The following RAP1A variants were observed in gnomAD, a reference collection of about 807,000 sequenced individuals.
RAP1A encodes the protein RAP1A, member of RAS oncogene family.
RAP1A carries 6 observed loss-of-function variants against 26.4 expected under a neutral mutation model. The observed-to-expected ratio is 0.23, with a 90% CI of 0.12 to 0.45. The LOEUF (loss-of-function observed/expected upper bound fraction) is 0.45. RAP1A is among the 20% of genes least tolerant of loss of function. RAP1A has a pLI of 0.99. For missense variants in RAP1A, 121 were observed against 217.2 expected (o/e 0.56, Z 2.78); for synonymous variants, 73 against 79.4 (o/e 0.92, Z 0.43).
At chr1:111,642,493 T>G (rs1175182299) in intron 1 of RAP1A, among the ~76,000 whole-genome samples, 1 of 105,924 alleles carries the variant, frequency 9.4e-6, no homozygotes, top group Non-Finnish European at 2.2e-5. Context: ...AGGTGTTAAC[T>G]TTTTTTTTTT....
intron 2 of RAP1A, among the ~76,000 whole-genome samples, chr1:111,693,938 G>T (rs1472977445): frequency 6.6e-6 from 1 of 150,722 alleles, no homozygotes. Flanking sequence ...TCTTGCCCTG[G>T]AGTGCAGTGG....
intron 1 of RAP1A, among the ~76,000 whole-genome samples, chr1:111,571,643 A>T (rs1011414733): frequency 1.3e-5 from 2 of 152,212 alleles, no homozygotes; most frequent in Non-Finnish European, 2.9e-5. Context: ...TTAATTAAAC[A>T]TGTATCAGTT....
chr1:111,621,933 G>C lies in RAP1A; in HGVS notation c.-28+1999G>C, dbSNP rs115017365. Among the ~76,000 whole-genome samples, 1,132 of 152,120 alleles carry C rather than the reference G, an allele frequency of 7.4e-3. 11 individuals carry two copies. The highest frequency in any genetic ancestry group is 0.026 in the African/African-American group (1,078 of 41,444). On this transcript the variant is annotated intron_variant, in intron 1 of 7. Transcript: ENST00000369709. ...TACACTTAATATACCCCAGAAGACAGGTATATTCATATACGTTGTTCCTGT... is the reference window on the plus strand; with the variant it reads ...TACACTTAATATACCCCAGAAGACACGTATATTCATATACGTTGTTCCTGT...
At chr1:111,635,609 G>A (rs1480119193) in intron 1 of RAP1A, among the ~76,000 whole-genome samples, 1 of 152,094 alleles carries the variant, frequency 6.6e-6, no homozygotes, top group African/African-American at 2.4e-5. Flanking sequence ...CTGTCGCCCA[G>A]GGTGGAGTTC....
chr1:111,614,638 G>A (rs994494439), intron 1 of RAP1A, among the ~76,000 whole-genome samples: 8 of 152,112 alleles, frequency 5.3e-5, no homozygotes, highest in African/African-American at 9.7e-5. Context: ...CTCTTCAAAC[G>A]TCTGAACTTC....
intron 1 of RAP1A, among the ~76,000 whole-genome samples, chr1:111,621,147 T>C (rs1184046105): frequency 6.6e-6 from 1 of 152,198 alleles, no homozygotes; most frequent in African/African-American, 2.4e-5. Flanking sequence ...ACAGTAAGAA[T>C]AAAGTATCAG....
At chr1:111,656,247 A>G (rs969241138) in intron 1 of RAP1A, among the ~76,000 whole-genome samples, 9 of 152,084 alleles carry the variant, frequency 5.9e-5, no homozygotes, top group Non-Finnish European at 1.2e-4. Context: ...GGTTGGTAGT[A>G]ATAAAAAACA....
At chr1:111,666,219 T>C (rs1339157734) in intron 1 of RAP1A, among the ~76,000 whole-genome samples, 1 of 152,224 alleles carries the variant, frequency 6.6e-6, no homozygotes, top group Non-Finnish European at 1.5e-5. Flanking sequence ...AAAGCTATTA[T>C]ATTTGAATTT....
intron 4 of RAP1A, among the ~76,000 whole-genome samples, chr1:111,697,878 T>G (rs1377465215): frequency 6.6e-6 from 1 of 152,258 alleles, no homozygotes; most frequent in African/African-American, 2.4e-5. Flanking sequence ...CACTAGCATT[T>G]TGACATCTCA....
intron 1 of RAP1A, among the ~76,000 whole-genome samples, chr1:111,606,739 G>A (rs1658790247): frequency 6.6e-6 from 1 of 152,208 alleles, no homozygotes; most frequent in Non-Finnish European, 1.5e-5. Context: ...AATAAATTAA[G>A]GCAAGGCTCT....
intron 6 of RAP1A, among the ~76,000 whole-genome samples, chr1:111,708,876 G>A (rs750598129): frequency 3.3e-5 from 5 of 152,140 alleles, no homozygotes; most frequent in South Asian, 2.1e-4. Context: ...CAACTTTTCC[G>A]TTGGTTTGGA....
At chr1:111,647,631 C>G (rs1330622256) in intron 1 of RAP1A, among the ~76,000 whole-genome samples, 4 of 151,856 alleles carry the variant, frequency 2.6e-5, no homozygotes, top group Admixed American at 1.3e-4. Flanking sequence ...GCTCAACATG[C>G]TTTACAGATT....
At chr1:111,648,964 G>T in intron 1 of RAP1A, 1 of 660,076 alleles carries the variant, frequency 1.5e-6, no homozygotes. Flanking sequence ...TCTTCGTTGA[G>T]AGCCTCGATC....
chr1:111,557,163 C>T (rs904285294), intron 1 of RAP1A, among the ~76,000 whole-genome samples: 1 of 152,116 alleles, frequency 6.6e-6, no homozygotes, highest in Non-Finnish European at 1.5e-5. Context: ...ACTGATTTTT[C>T]AACACCACAG....
intron 1 of RAP1A, among the ~76,000 whole-genome samples, chr1:111,625,241 G>A (rs1186869420): frequency 2.0e-5 from 3 of 152,130 alleles, no homozygotes; most frequent in Non-Finnish European, 4.4e-5. Context: ...GTGCAGTGCT[G>A]TACCCACTTA....
chr1:111,644,639 G>T (rs1172439989), intron 1 of RAP1A, among the ~76,000 whole-genome samples: 1 of 152,182 alleles, frequency 6.6e-6, no homozygotes, highest in African/African-American at 2.4e-5. Flanking sequence ...ACAAATAAAA[G>T]ATATCCACTT....
At chr1:111,604,729 C>CTTATAAATTT (rs1382551560) in intron 1 of RAP1A, 8 of 152,160 alleles carry the variant, frequency 5.3e-5, no homozygotes, top group African/African-American at 1.9e-4. Context: ...AGGTGAATTT[C>CTTATAAATTT]CTTTCTTATA....
At chr1:111,609,247 G>A (rs1218699907) in intron 1 of RAP1A, among the ~76,000 whole-genome samples, 1 of 152,102 alleles carries the variant, frequency 6.6e-6, no homozygotes, top group South Asian at 2.1e-4. Flanking sequence ...GGAGGCAAGG[G>A]AAGGATTTGA....
At chr1:111,566,271 G>A (rs1487485149) in intron 1 of RAP1A, among the ~76,000 whole-genome samples, 1 of 152,162 alleles carries the variant, frequency 6.6e-6, no homozygotes, top group Admixed American at 6.5e-5. Flanking sequence ...GCAAAAATGA[G>A]GCAAGAGTCG....
Sources: allele counts gnomAD v4.1 joint callset (sites outside exome capture counted in the v4.1 genomes callset), GRCh38; gene constraint gnomAD v4.1.1; transcripts MANE v1.5; gene names NCBI Gene and HGNC (gene_info 2026-07-23, HGNC 2026-07-21).